DBX2: variants seen among roughly 807,000 people sequenced by gnomAD.
DBX2 encodes homeobox protein DBX2.
In DBX2, 16 loss-of-function variants were observed where a neutral mutation model predicts 17.7. The observed-to-expected ratio is 0.90, with a 90% CI of 0.61 to 1.37. The LOEUF (loss-of-function observed/expected upper bound fraction) is 1.37, where lower values mean the gene tolerates loss of function less well. DBX2 is among the 40% of genes most tolerant of loss of function. The pLI, the probability that DBX2 is intolerant of heterozygous loss-of-function variation, is 0.00. For synonymous variants in DBX2, 255 were observed against 183.8 expected (o/e 1.39, Z -3.13); for missense variants, 538 against 433.8 (o/e 1.24, Z -2.13).
intron 2 of DBX2, among the ~76,000 whole-genome samples, chr12:45,033,721 T>C (rs916168333): frequency 1.3e-5 from 2 of 152,114 alleles, no homozygotes; most frequent in Non-Finnish European, 1.5e-5. Context: ...CTCTAAACTG[T>C]TTTAAAATGC....
intron 1 of DBX2, among the ~76,000 whole-genome samples, chr12:45,042,596 C>T (rs909158659): frequency 6.6e-6 from 1 of 152,144 alleles, no homozygotes; most frequent in Non-Finnish European, 1.5e-5. Flanking sequence ...CCTTAAAGGC[C>T]AAACTAGGTA....
Position 45,050,580 on chromosome 12 carries a change from C to T in DBX2, c.348G>A (p.Arg116=). ...GGTCCCCCGGAGCCCGGCCCGGCAG[C>T]CTCGCACTGTCCGCAGAGGGACTGA... ...QVLSPSADSA[R]LPGRAPGDRD... Residue 116 remains arginine (R), a synonymous_variant, in exon 1 of 4, where the codon AGG becomes AGA. Transcript: ENST00000332700. The T allele has an allele frequency of 1.3e-6, 2 of 1,552,162 alleles. No homozygotes were observed. The highest frequency in any genetic ancestry group is 2.4e-5 in the South Asian group (2 of 84,162).
intron 1 of DBX2, among the ~76,000 whole-genome samples, chr12:45,043,840 C>T (rs138468324): frequency 2.0e-5 from 3 of 152,286 alleles, no homozygotes; most frequent in African/African-American, 7.2e-5. Context: ...ACATCTTTTC[C>T]TGTATCTTAC....
rs1447842778 is a variant in DBX2 at position 45,015,685 on chromosome 12, AATAT to A, written c.*597_*600del. The A allele has an allele frequency of 6.6e-6, 1 of 152,110 alleles. No homozygotes were observed. Among genetic ancestry groups the A allele is most frequent in the African/African-American group, 2.4e-5 (1 of 41,432 alleles). The allele number at this position is 152,110 out of a possible 1,614,324, so 9.4% of individuals were successfully genotyped here. On this transcript the variant is annotated 3_prime_UTR_variant, in exon 4 of 4. Coordinates refer to ENST00000332700, the MANE Select transcript of DBX2 (RefSeq NM_001004329.3). ...TAATTTGCTTGTTAGGTTCATTTTA[AATAT>A]ATATTCTCAGTGTATGTATCTAGCA... is the stretch of plus-strand genomic sequence containing the variant.
At chr12:45,049,462 G>A (rs1029030098) in intron 1 of DBX2, among the ~76,000 whole-genome samples, 1 of 152,040 alleles carries the variant, frequency 6.6e-6, no homozygotes, top group Non-Finnish European at 1.5e-5. Flanking sequence ...AGTTATATTT[G>A]TTCCATTCTG....
At position 45,016,195 on chromosome 12, in the gene DBX2, T is replaced by C. The variant is rs1300736463; in HGVS notation, c.*91A>G. 4 of 1,375,386 alleles carry C rather than the reference T, an allele frequency of 2.9e-6. No homozygotes were observed. In the East Asian group the frequency reaches 9.7e-5, roughly 33 times the overall value. The allele number at this position is 1,375,386 out of a possible 1,614,324, so 85.2% of individuals were successfully genotyped here. ...ACATCGCTCCAAAGTTGTTAGGCTC[T>C]AAGCACTGATGAGGTACAAGCTAGC... On this transcript the variant is annotated 3_prime_UTR_variant, in exon 4 of 4. Coordinates refer to ENST00000332700, the MANE Select transcript of DBX2 (RefSeq NM_001004329.3).
intron 1 of DBX2, among the ~76,000 whole-genome samples, chr12:45,041,834 T>A (rs915761905): frequency 8.5e-5 from 13 of 152,342 alleles, no homozygotes; most frequent in East Asian, 7.7e-4. Flanking sequence ...TTATATTTTT[T>A]AATATTCTTT....
intron 1 of DBX2, among the ~76,000 whole-genome samples, chr12:45,037,637 C>A (rs1946447793): frequency 6.6e-6 from 1 of 152,010 alleles, no homozygotes; most frequent in African/African-American, 2.4e-5. Context: ...GACTACATAC[C>A]TTTTTGAAGA....
At chr12:45,017,439 C>A (rs756011555) in intron 3 of DBX2, among the ~76,000 whole-genome samples, 1 of 152,184 alleles carries the variant, frequency 6.6e-6, no homozygotes, top group South Asian at 2.1e-4. Flanking sequence ...AGACTAGAAT[C>A]CATGATTGTC....
At chr12:45,030,860 T>G (rs1474752712) in intron 2 of DBX2, among the ~76,000 whole-genome samples, 2 of 152,174 alleles carry the variant, frequency 1.3e-5, no homozygotes, top group African/African-American at 2.4e-5. Context: ...CAATAACACT[T>G]TCAGAAACAG....
At chr12:45,027,709 T>C (rs904501414) in intron 2 of DBX2, among the ~76,000 whole-genome samples, 5 of 152,232 alleles carry the variant, frequency 3.3e-5, no homozygotes, top group African/African-American at 1.2e-4. Context: ...AATTGTGTTA[T>C]TGCATTGTAG....
intron 2 of DBX2, among the ~76,000 whole-genome samples, chr12:45,031,217 TGTGTGTGTGAGAGAGAGA>T (rs61399091): frequency 0.074 from 7,748 of 105,268 alleles, 468 homozygotes; most frequent in East Asian, 0.26. Flanking sequence ...TGTGTGTGTG[TGTGTGTGTGAGAGAGAGA>T]GAGAGAGAGA....
chr12:45,047,801 T>G (rs1258219355), intron 1 of DBX2, among the ~76,000 whole-genome samples: 3 of 152,158 alleles, frequency 2.0e-5, no homozygotes, highest in Admixed American at 1.3e-4. Context: ...CAATTTTTTC[T>G]CTATCACAAG....
chr12:45,031,219 T>TGAGAGA (rs1482006522), intron 2 of DBX2, among the ~76,000 whole-genome samples: 2 of 87,536 alleles, frequency 2.3e-5, no homozygotes. Context: ...TGTGTGTGTG[T>TGAGAGA]GTGTGTGAGA....
rs1346732410 is a variant in DBX2, at chr12:45,050,967, C to G, written c.-40G>C. On this transcript the variant is annotated 5_prime_UTR_variant, in exon 1 of 4. Coordinates refer to ENST00000332700, the MANE Select transcript of DBX2 (RefSeq NM_001004329.3). The stretch of plus-strand genomic sequence containing the variant: ...CGGTCTGCTGCGCGCCCGCCTTGCG[C>G]CCGCCTGTCGCCCGGGCGCCCCGCA... 2.9e-6 allele frequency: 4 copies of G among 1,374,674 alleles called. No individual in the cohort carries two copies. The African/African-American group carries it at 6.1e-5, about 21-fold the overall frequency. The allele number at this position is 1,374,674 out of a possible 1,614,324, so 85.2% of individuals were successfully genotyped here. A position where few individuals can be genotyped will look rare whatever the true frequency, so the allele number is the denominator to read the frequency against.
chr12:45,015,569 T>C lies in DBX2; in HGVS notation c.*717A>G, dbSNP rs1279392594. 1 of 152,224 alleles carries C rather than the reference T, an allele frequency of 6.6e-6. No individual in the cohort carries two copies. The allele number at this position is 152,224 out of a possible 1,614,324, so 9.4% of individuals were successfully genotyped here. A position where few individuals can be genotyped will look rare whatever the true frequency, so the allele number is the denominator to read the frequency against. On this transcript the variant is annotated 3_prime_UTR_variant, in exon 4 of 4. Transcript: ENST00000332700. ...TACAGAGAAGAGATCAAAAAATAATTATTAGTTAAATGGGTCTCTCCCTCA... is the reference window on the plus strand; with the variant it reads ...TACAGAGAAGAGATCAAAAAATAATCATTAGTTAAATGGGTCTCTCCCTCA...
rs1946367008 is a variant in DBX2, at chr12:45,023,964, T to C, written c.500-70A>G. On this transcript the variant is annotated intron_variant, in intron 2 of 3. Coordinates refer to ENST00000332700, the MANE Select transcript of DBX2 (RefSeq NM_001004329.3). ...AAGAAGTCAGTCTTTCCTAGGACAA[T>C]ATGGTATCCTCCTACTTTGTACTAT... is the stretch of plus-strand genomic sequence containing the variant. 13 of 1,417,192 alleles carry C rather than the reference T, an allele frequency of 9.2e-6. No individual in the cohort carries two copies. The South Asian group carries it at 1.3e-4, about 14-fold the overall frequency. The allele number at this position is 1,417,192 out of a possible 1,614,324, so 87.8% of individuals were successfully genotyped here.
At chr12:45,032,675 C>A (rs549783447) in intron 2 of DBX2, among the ~76,000 whole-genome samples, 2 of 152,136 alleles carry the variant, frequency 1.3e-5, no homozygotes. Context: ...AATATAAGTT[C>A]ATCTCCCAAA....
chr12:45,023,627 C>CCTA (rs1946364836), intron 3 of DBX2, 80 bp downstream of exon 3: 1 of 1,545,068 alleles, frequency 6.5e-7, no homozygotes, highest in Non-Finnish European at 8.8e-7. Context: ...TTGCCTACGG[C>CCTA]CCACCACCCT....
Sources: allele counts gnomAD v4.1 joint callset (sites outside exome capture counted in the v4.1 genomes callset), GRCh38; gene constraint gnomAD v4.1.1; transcripts MANE v1.5; gene names NCBI Gene and HGNC (gene_info 2026-07-23, HGNC 2026-07-21).